DCAF6: variants seen among roughly 807,000 people sequenced by gnomAD.
The protein encoded by DCAF6 is DDB1 and CUL4 associated factor 6.
DCAF6 carries 54 observed loss-of-function variants against 125.1 expected under a neutral mutation model. The observed-to-expected ratio is 0.43, with a 90% CI of 0.35 to 0.54. The LOEUF (loss-of-function observed/expected upper bound fraction) is 0.54, where lower values mean the gene tolerates loss of function less well. DCAF6 is among the 20% of genes least tolerant of loss of function. DCAF6 has a pLI of 0.01. For synonymous variants in DCAF6, 371 were observed against 390.4 expected (o/e 0.95, Z 0.58); for missense variants, 934 against 1,161.7 (o/e 0.80, Z 2.85).
chr1:168,039,941 A>C (rs555710768), intron 13 of DCAF6, among the ~76,000 whole-genome samples: 1 of 151,946 alleles, frequency 6.6e-6, no homozygotes, highest in Non-Finnish European at 1.5e-5. Flanking sequence ...TAGACATTGG[A>C]AATACATCAG....
At chr1:168,014,375 G>GCT (rs769409094) in intron 10 of DCAF6, among the ~76,000 whole-genome samples, 2 of 152,122 alleles carry the variant, frequency 1.3e-5, no homozygotes, top group African/African-American at 4.8e-5. Flanking sequence ...CAGTTCTCCA[G>GCT]CTCTCTCTCT....
chr1:168,056,505 T>C, intron 17 of DCAF6: 1 of 216,648 alleles, frequency 4.6e-6, no homozygotes, highest in Non-Finnish European at 6.4e-6. Flanking sequence ...CAGGCTTAAG[T>C]TTTTAATAAT....
At chr1:167,880,485 A>G in the DCAF6 span, 1 of 1,603,770 alleles carries the variant, frequency 6.2e-7, no homozygotes, top group Non-Finnish European at 8.5e-7. Flanking sequence ...CAGGGTCAAT[A>G]CTCACTGGAT....
intron 16 of DCAF6, among the ~76,000 whole-genome samples, chr1:168,047,904 G>T (rs938346293): frequency 4.6e-5 from 7 of 152,056 alleles, no homozygotes; most frequent in African/African-American, 1.7e-4. Context: ...GCACCATCCT[G>T]ATTTAATCTT....
At chr1:167,975,972 T>A (rs1678091493) in intron 4 of DCAF6, among the ~76,000 whole-genome samples, 1 of 152,220 alleles carries the variant, frequency 6.6e-6, no homozygotes, top group African/African-American at 2.4e-5. Context: ...AGTTCTTTTA[T>A]GTCCTCATGT....
At chr1:168,066,577 TAAG>T in intron 20 of DCAF6, 112 bp downstream of exon 20, 1 of 664,974 alleles carries the variant, frequency 1.5e-6, no homozygotes, top group Non-Finnish European at 2.5e-6. Flanking sequence ...TTAATGCAGT[TAAG>T]GAGGTCAAAT....
chr1:167,950,745 A>G (rs1022390676), intron 1 of DCAF6, among the ~76,000 whole-genome samples: 1 of 152,172 alleles, frequency 6.6e-6, no homozygotes, highest in Non-Finnish European at 1.5e-5. Flanking sequence ...GCCTTCTTTC[A>G]TTACAGCTTC....
chr1:167,928,534 G>T, the DCAF6 span, among the ~76,000 whole-genome samples: 1 of 152,058 alleles, frequency 6.6e-6, no homozygotes, highest in East Asian at 1.9e-4. Context: ...ATCAACAGTG[G>T]ATATGGTAGC....
At chr1:167,881,425 A>G in the DCAF6 span, among the ~76,000 whole-genome samples, 1 of 152,250 alleles carries the variant, frequency 6.6e-6, no homozygotes, top group African/African-American at 2.4e-5. Flanking sequence ...ACCCTCTCCA[A>G]AAGAATTTGA....
chr1:167,905,569 C>A, the DCAF6 span, among the ~76,000 whole-genome samples: 1 of 151,326 alleles, frequency 6.6e-6, no homozygotes. Context: ...TACCCTCTCT[C>A]TACCTTGGTC....
chr1:167,989,637 C>T (rs998370819), intron 5 of DCAF6, among the ~76,000 whole-genome samples: 1 of 152,140 alleles, frequency 6.6e-6, no homozygotes, highest in African/African-American at 2.4e-5. Flanking sequence ...AATCCCAGCA[C>T]TTTGGGAGGC....
intron 10 of DCAF6, among the ~76,000 whole-genome samples, chr1:168,014,537 T>C (rs1684703153): frequency 6.6e-6 from 1 of 152,218 alleles, no homozygotes; most frequent in Admixed American, 6.5e-5. Flanking sequence ...TTGTAGACTT[T>C]TGTATTCAGT....
At position 167,967,714 on chromosome 1, in the gene DCAF6, C is replaced by CTTTTTTTTT. The variant is rs552208317; in HGVS notation, c.252+1011_252+1019dup. ...CCTGATTGTCTTAAATTTCCTGTAT[C>CTTTTTTTTT]TTTTTTTTTTTTTTTTTTTTTTTTT... is the stretch of plus-strand genomic sequence containing the variant. On this transcript the variant is annotated intron_variant, in intron 3 of 21. Transcript: ENST00000367840. Among the ~76,000 whole-genome samples the CTTTTTTTTT allele has an allele frequency of 6.7e-5, 5 of 74,576 alleles. 1 individual carries two copies. The highest frequency in any genetic ancestry group is 2.1e-4 in the African/African-American group (4 of 18,980). The allele number at this position is 74,576 out of a possible 152,430, so 48.9% of individuals were successfully genotyped here. A position where few individuals can be genotyped will look rare whatever the true frequency, so the allele number is the denominator to read the frequency against.
intron 1 of DCAF6, among the ~76,000 whole-genome samples, chr1:167,945,353 A>G (rs1213108931): frequency 6.6e-6 from 1 of 152,062 alleles, no homozygotes; most frequent in Admixed American, 6.6e-5. Flanking sequence ...ATATCCAGTG[A>G]TCATGGGATG....
chr1:168,064,355 C>T (rs1692061275), intron 18 of DCAF6, among the ~76,000 whole-genome samples: 1 of 152,186 alleles, frequency 6.6e-6, no homozygotes, highest in East Asian at 1.9e-4. Flanking sequence ...TTTGAGATGA[C>T]TAGTGTAACT....
intron 12 of DCAF6, among the ~76,000 whole-genome samples, chr1:168,031,312 G>T (rs1417007504): frequency 1.3e-5 from 2 of 152,182 alleles, no homozygotes; most frequent in African/African-American, 4.8e-5. Flanking sequence ...TAGAGAGGTG[G>T]ATGGCGACAT....
intron 20 of DCAF6, among the ~76,000 whole-genome samples, chr1:168,067,841 C>T (rs1353994140): frequency 2.6e-5 from 4 of 152,060 alleles, no homozygotes; most frequent in Admixed American, 6.6e-5. Context: ...TGGGTGTTCA[C>T]GAGTATTCAA....
the DCAF6 span, among the ~76,000 whole-genome samples, chr1:167,888,670 A>G: frequency 1.3e-5 from 2 of 151,974 alleles, no homozygotes; most frequent in Non-Finnish European, 2.9e-5. Flanking sequence ...AGGTCAGGAG[A>G]TCGAGACCAT....
chr1:168,004,857 A>G (rs1683127880), intron 10 of DCAF6, 64 bp downstream of exon 10: 1 of 1,526,202 alleles, frequency 6.6e-7, no homozygotes, highest in African/African-American at 1.4e-5. Context: ...TTTACTGGCT[A>G]TTTTGAAAGA....
Sources: allele counts gnomAD v4.1 joint callset (sites outside exome capture counted in the v4.1 genomes callset), GRCh38; gene constraint gnomAD v4.1.1; transcripts MANE v1.5; gene names NCBI Gene and HGNC (gene_info 2026-07-23, HGNC 2026-07-21).